Variants in VEZT observed in about 807,000 individuals in gnomAD.
VEZT encodes vezatin.
Under a neutral mutation model 79.9 loss-of-function variants are expected in VEZT, and 39 were observed. The ratio of observed to expected loss-of-function variants is 0.49; its 90% confidence interval spans 0.38 to 0.64. The LOEUF (loss-of-function observed/expected upper bound fraction) is 0.64. Ranked by LOEUF, VEZT falls within the 30% of genes least tolerant of loss-of-function variation. The probability of loss-of-function intolerance (pLI) is 0.00; values close to 1 mark genes in which losing one functional copy is unlikely to be tolerated. For synonymous variants in VEZT, 325 were observed against 327.6 expected (o/e 0.99, Z 0.09); for missense variants, 837 against 893.1 (o/e 0.94, Z 0.80).
chr12:95,289,500 C>T (rs1387006752), intron 9 of VEZT, among the ~76,000 whole-genome samples: 2 of 149,964 alleles, frequency 1.3e-5, no homozygotes, highest in African/African-American at 4.9e-5. Flanking sequence ...GAATCTTAGT[C>T]TATCGCTTAT....
In VEZT at chr12:95,251,927, G is replaced by T. The variant is rs1336687726; in HGVS notation, c.37-13G>T. ...ATGATCTTGAAATTTGCTTTATTTT[G>T]TGTCTTTTTCAGAATTCTCCACTTT... is the stretch of plus-strand genomic sequence containing the variant. On this transcript the variant is annotated splice_polypyrimidine_tract_variant and intron_variant, in intron 1 of 11. Coordinates refer to ENST00000436874, the MANE Select transcript of VEZT (RefSeq NM_017599.4). 13 of 1,597,870 alleles carry T rather than the reference G, an allele frequency of 8.1e-6. No individual in the cohort carries two copies. The highest frequency in any genetic ancestry group is 1.1e-5 in the Non-Finnish European group (13 of 1,174,946).
At chr12:95,269,947 G>A (rs1020049170) in intron 5 of VEZT, 104 bp from the exon 6 acceptor site, 19 of 1,348,562 alleles carry the variant, frequency 1.4e-5, no homozygotes, top group Admixed American at 2.4e-5. Flanking sequence ...TCATGAAAGA[G>A]GAATTTGTTT....
chr12:95,277,995 T>C (rs997031907), intron 7 of VEZT, among the ~76,000 whole-genome samples: 1 of 152,254 alleles, frequency 6.6e-6, no homozygotes, highest in Non-Finnish European at 1.5e-5. Context: ...CTAGCTTAAG[T>C]ATAGGCAGCA....
chr12:95,248,035 C>T (rs1451648016), intron 1 of VEZT, among the ~76,000 whole-genome samples: 1 of 152,160 alleles, frequency 6.6e-6, no homozygotes, highest in African/African-American at 2.4e-5. Context: ...AGCCATGAAA[C>T]AAAGTATGGT....
At chr12:95,227,308 G>A (rs1393950499) in intron 1 of VEZT, among the ~76,000 whole-genome samples, 1 of 149,202 alleles carries the variant, frequency 6.7e-6, no homozygotes, top group East Asian at 2.0e-4. Context: ...CTACAGGCAT[G>A]TGCCATCATG....
chr12:95,298,833 A>G (rs1846477395), intron 11 of VEZT: 2 of 152,234 alleles, frequency 1.3e-5, no homozygotes, highest in Non-Finnish European at 2.9e-5. Context: ...AGCATTGTAT[A>G]TAAACTTATA....
rs771085274 is a variant in VEZT at position 95,270,157 on chromosome 12, G to A, written c.817G>A (p.Ala273Thr). The A allele has an allele frequency of 9.9e-6, 16 of 1,609,882 alleles. No individual in the cohort carries two copies. The highest frequency in any genetic ancestry group is 3.3e-4 in the Middle Eastern group (2 of 6,082). ...AACTCTAAGAGCCAACTTCCAAGCA[G>A]CAAGGCTAGCTACCCTATATATGCT... is the stretch of plus-strand genomic sequence containing the variant. ...YRTLRANFQA[A>T]RLATLYMLKN... is the part of the protein sequence containing the mutation. Residue 273 changes from alanine to threonine, a missense_variant, in exon 6 of 12, where the codon GCA becomes ACA. By Grantham distance (58) the Ala-to-Thr change is moderately conservative. Coordinates refer to ENST00000436874, the MANE Select transcript of VEZT (RefSeq NM_017599.4).
At chr12:95,242,773 T>A (rs987259666) in intron 1 of VEZT, among the ~76,000 whole-genome samples, 1 of 147,314 alleles carries the variant, frequency 6.8e-6, no homozygotes, top group Non-Finnish European at 1.5e-5. Context: ...CTTGGGAGGC[T>A]AAGGCAGGAG....
intron 1 of VEZT, among the ~76,000 whole-genome samples, chr12:95,220,760 T>C (rs188251482): frequency 6.6e-6 from 1 of 152,362 alleles, no homozygotes; most frequent in Admixed American, 6.5e-5. Context: ...CATTCTTCTA[T>C]TAATGGTCAT....
At chr12:95,259,511 C>T (rs2064020983) in intron 3 of VEZT, among the ~76,000 whole-genome samples, 3 of 152,184 alleles carry the variant, frequency 2.0e-5, no homozygotes, top group African/African-American at 7.2e-5. Flanking sequence ...TATTATCCCA[C>T]TTTTGCCAAA....
At chr12:95,249,963 G>T (rs1175772419) in intron 1 of VEZT, among the ~76,000 whole-genome samples, 1 of 151,214 alleles carries the variant, frequency 6.6e-6, no homozygotes, top group Admixed American at 6.6e-5. Context: ...CTGAGAAGAT[G>T]AAAGTAAAAT....
At chr12:95,290,341 G>A (rs2072411678) in intron 9 of VEZT, among the ~76,000 whole-genome samples, 1 of 152,096 alleles carries the variant, frequency 6.6e-6, no homozygotes, top group Non-Finnish European at 1.5e-5. Context: ...AAAACTTAGT[G>A]TTCACACAAA....
At chr12:95,238,345 A>G in intron 1 of VEZT, among the ~76,000 whole-genome samples, 1 of 152,178 alleles carries the variant, frequency 6.6e-6, no homozygotes, top group East Asian at 1.9e-4. Flanking sequence ...TGCTTAACTC[A>G]ATGCCTAGTA....
intron 1 of VEZT, chr12:95,245,528 G>C (rs1326091457): frequency 4.4e-6 from 2 of 456,588 alleles, no homozygotes; most frequent in East Asian, 1.4e-4. Flanking sequence ...GTGCCTACAT[G>C]TTGCCTGACA....
At chr12:95,244,666 T>C (rs2061490984) in intron 1 of VEZT, among the ~76,000 whole-genome samples, 1 of 151,582 alleles carries the variant, frequency 6.6e-6, no homozygotes, top group African/African-American at 2.4e-5. Flanking sequence ...CAGTTCACTG[T>C]AACCTCTGCC....
chr12:95,255,527 G>C lies in VEZT; in HGVS notation c.169-1623G>C, dbSNP rs1022593518. On this transcript the variant is annotated intron_variant, in intron 2 of 11. Transcript: ENST00000436874. ...GCTCGCTGCAACCTCCACCTCCCGG[G>C]TGCAAGCGATTCTCCTGCCTCAGCC... 3.3e-5 allele frequency among the ~76,000 whole-genome samples: 5 copies of C among 152,296 alleles called. 1 individual carries two copies. The highest frequency in any genetic ancestry group is 3.3e-4 in the Admixed American group (5 of 15,302).
chr12:95,239,966 G>C (rs2060691838), intron 1 of VEZT, among the ~76,000 whole-genome samples: 1 of 149,600 alleles, frequency 6.7e-6, no homozygotes, highest in Non-Finnish European at 1.5e-5. Context: ...GAGAGAGAGA[G>C]AGAGAGAGAG....
In VEZT at chr12:95,253,672, T is replaced by C. The variant is rs568565985; in HGVS notation, c.168+1601T>C. Among the ~76,000 whole-genome samples the C allele has an allele frequency of 9.8e-5, 15 of 152,372 alleles. No homozygotes were observed. In the South Asian group the frequency reaches 3.1e-3, roughly 32 times the overall value. ...GATACAAACTTGGGTTTTATAGGTA[T>C]TATTGTCATTTATGACAAGTATTTT... is the stretch of plus-strand genomic sequence containing the variant. On this transcript the variant is annotated intron_variant, in intron 2 of 11. Coordinates refer to ENST00000436874, the MANE Select transcript of VEZT (RefSeq NM_017599.4).
At position 95,260,453 on chromosome 12, in the gene VEZT, C is replaced by T. The variant is rs528025207; in HGVS notation, c.259-2453C>T. ...GATATTCCTAATGCTATTAATACTTCCTCTAAGCACGTTGGTTTTGGGGAG... is the reference window on the plus strand; with the variant it reads ...GATATTCCTAATGCTATTAATACTTTCTCTAAGCACGTTGGTTTTGGGGAG... On this transcript the variant is annotated intron_variant, in intron 3 of 11. Coordinates refer to ENST00000436874, the MANE Select transcript of VEZT (RefSeq NM_017599.4). Among the ~76,000 whole-genome samples the T allele has an allele frequency of 3.9e-5, 6 of 152,286 alleles. No homozygotes were observed. The East Asian group carries it at 1.2e-3, about 29-fold the overall frequency.
Sources: allele counts gnomAD v4.1 joint callset (sites outside exome capture counted in the v4.1 genomes callset), GRCh38; gene constraint gnomAD v4.1.1; transcripts MANE v1.5; gene names NCBI Gene and HGNC (gene_info 2026-07-23, HGNC 2026-07-21).